Variants in ARL8B observed in about 807,000 individuals in gnomAD.
ARL8B encodes ARF like GTPase 8B.
In ARL8B, 9 loss-of-function variants were observed where a neutral mutation model predicts 30.6. The observed-to-expected ratio is 0.29, with a 90% CI of 0.18 to 0.51. The LOEUF is 0.51. ARL8B is among the 20% of genes least tolerant of loss of function. ARL8B has a pLI of 0.97. For synonymous variants in ARL8B, 74 were observed against 76.0 expected (o/e 0.97, Z 0.14); for missense variants, 130 against 227.2 (o/e 0.57, Z 2.75).
At chr3:5,157,260 C>G (rs1218702642) in intron 1 of ARL8B, among the ~76,000 whole-genome samples, 2 of 152,192 alleles carry the variant, frequency 1.3e-5, no homozygotes, top group Admixed American at 6.5e-5. Flanking sequence ...CTGTTGGGAT[C>G]AGATCCATAT....
intron 1 of ARL8B, among the ~76,000 whole-genome samples, chr3:5,140,112 G>T (rs1347616340): frequency 1.3e-5 from 2 of 151,990 alleles, no homozygotes; most frequent in South Asian, 2.1e-4. Flanking sequence ...TCACTTTGGG[G>T]AGCGTGTGTG....
intron 1 of ARL8B, among the ~76,000 whole-genome samples, chr3:5,125,536 C>CG (rs2054222887): frequency 7.0e-6 from 1 of 141,954 alleles, no homozygotes; most frequent in South Asian, 2.2e-4. Context: ...CCACCATTAT[C>CG]TTTTTTTTTT....
chr3:5,122,711 G>A (rs1432777463), intron 1 of ARL8B, 123 bp downstream of exon 1: 2 of 1,143,212 alleles, frequency 1.7e-6, no homozygotes, highest in East Asian at 2.6e-5. Context: ...GGCGTGCGAA[G>A]CTGGGCCTGT....
Position 5,128,003 on chromosome 3 carries a change from C to T in ARL8B, c.123+5415C>T, listed in dbSNP as rs147898959. On this transcript the variant is annotated intron_variant, in intron 1 of 6. Coordinates refer to ENST00000256496, the MANE Select transcript of ARL8B (RefSeq NM_018184.3). The stretch of plus-strand genomic sequence containing the variant: ...AGGAGTTTGAGACCAGCCTGACCAA[C>T]ATGATGAAACCCCATCTGTACTAAA... Among the ~76,000 whole-genome samples the T allele has an allele frequency of 9.3e-3, 1,369 of 147,886 alleles. 17 individuals carry two copies. Among genetic ancestry groups the T allele is most frequent in the African/African-American group, 0.032 (1,285 of 40,168 alleles).
intron 1 of ARL8B, among the ~76,000 whole-genome samples, chr3:5,161,580 T>C (rs2054581233): frequency 6.6e-6 from 1 of 152,176 alleles, no homozygotes; most frequent in South Asian, 2.1e-4. Flanking sequence ...TTTGAGCTAG[T>C]ATAGGCACTT....
intron 1 of ARL8B, among the ~76,000 whole-genome samples, chr3:5,129,605 A>T (rs181891183): frequency 2.1e-4 from 32 of 152,254 alleles, no homozygotes; most frequent in African/African-American, 7.0e-4. Context: ...TAGTGGCATG[A>T]TCATGGCTTA....
At chr3:5,163,651 C>T (rs140273118) in intron 1 of ARL8B, among the ~76,000 whole-genome samples, 141 of 152,284 alleles carry the variant, frequency 9.3e-4, no homozygotes, top group African/African-American at 3.3e-3. Flanking sequence ...GGGTGGATCA[C>T]CTGAGGTCAG....
intron 1 of ARL8B, among the ~76,000 whole-genome samples, chr3:5,166,635 G>C (rs1018776943): frequency 4.6e-5 from 7 of 152,180 alleles, no homozygotes; most frequent in Admixed American, 4.6e-4. Flanking sequence ...ACCGCGCCCA[G>C]CTGTCTTAAG....
chr3:5,142,635 C>T (rs1199525408), intron 1 of ARL8B, among the ~76,000 whole-genome samples: 6 of 152,284 alleles, frequency 3.9e-5, no homozygotes, highest in African/African-American at 1.4e-4. Context: ...CTAAGGTTTG[C>T]CTTAAATCCT....
intron 1 of ARL8B, among the ~76,000 whole-genome samples, chr3:5,155,198 TTTTTG>T (rs1455236026): frequency 6.6e-6 from 1 of 152,204 alleles, no homozygotes; most frequent in Non-Finnish European, 1.5e-5. Flanking sequence ...CGGTTAACAG[TTTTTG>T]TTTTTTCATT....
At chr3:5,138,547 A>G (rs1401281859) in intron 1 of ARL8B, among the ~76,000 whole-genome samples, 2 of 152,176 alleles carry the variant, frequency 1.3e-5, no homozygotes, top group Non-Finnish European at 2.9e-5. Flanking sequence ...TTATTTTTAA[A>G]TAGTATAAGC....
intron 1 of ARL8B, among the ~76,000 whole-genome samples, chr3:5,127,485 A>T (rs1219287117): frequency 6.6e-6 from 1 of 152,210 alleles, no homozygotes; most frequent in Non-Finnish European, 1.5e-5. Context: ...AAATCCAGGC[A>T]TCTTAAGCAT....
At chr3:5,158,712 G>A (rs905027031) in intron 1 of ARL8B, among the ~76,000 whole-genome samples, 1 of 152,116 alleles carries the variant, frequency 6.6e-6, no homozygotes, top group African/African-American at 2.4e-5. Flanking sequence ...TAATTCGAGA[G>A]CCACTGAAAC....
At chr3:5,146,048 A>G (rs1213830327) in intron 1 of ARL8B, among the ~76,000 whole-genome samples, 1 of 152,174 alleles carries the variant, frequency 6.6e-6, no homozygotes, top group East Asian at 1.9e-4. Context: ...GTTTCCCTGG[A>G]AGGTTGGAAT....
intron 1 of ARL8B, among the ~76,000 whole-genome samples, chr3:5,125,567 G>A (rs1004359161): frequency 6.8e-6 from 1 of 147,452 alleles, no homozygotes; most frequent in African/African-American, 2.5e-5. Context: ...GAGTCCCGCT[G>A]TGTTGCCCAG....
At chr3:5,143,901 G>T (rs1453278275) in intron 1 of ARL8B, among the ~76,000 whole-genome samples, 1 of 152,180 alleles carries the variant, frequency 6.6e-6, no homozygotes, top group African/African-American at 2.4e-5. Flanking sequence ...CTCGTAGGGG[G>T]ACAATCCCAA....
At chr3:5,129,889 A>T (rs758708690) in intron 1 of ARL8B, among the ~76,000 whole-genome samples, 20 of 152,004 alleles carry the variant, frequency 1.3e-4, no homozygotes, top group Non-Finnish European at 5.9e-5. Flanking sequence ...TTTCAGACAG[A>T]GTCTTGCTCT....
intron 6 of ARL8B, among the ~76,000 whole-genome samples, chr3:5,176,765 C>G (rs936302985): frequency 6.6e-6 from 1 of 152,098 alleles, no homozygotes; most frequent in African/African-American, 2.4e-5. Context: ...CTCTATGTGG[C>G]GGGGAAAACT....
intron 1 of ARL8B, among the ~76,000 whole-genome samples, chr3:5,153,761 C>G (rs2054508214): frequency 1.3e-5 from 2 of 152,168 alleles, no homozygotes; most frequent in East Asian, 3.8e-4. Context: ...ACCTTTCCCT[C>G]TGGTAGTTTC....
Sources: gnomAD v4.1 joint callset for allele counts (sites outside exome capture counted in the v4.1 genomes callset) on GRCh38, gnomAD v4.1.1 for gene constraint, MANE v1.5 for transcripts, NCBI Gene and HGNC (gene_info 2026-07-23, HGNC 2026-07-21) for gene names.